SP4: variants seen among roughly 807,000 people sequenced by gnomAD.
The protein encoded by SP4 is Sp4 transcription factor.
Under a neutral mutation model 72.8 loss-of-function variants are expected in SP4, and 19 were observed. The observed-to-expected ratio is 0.26, with a 90% confidence interval of 0.18 to 0.38. SP4 has a LOEUF of 0.38. SP4 is among the 10% of genes least tolerant of loss of function. SP4 has a pLI of 1.00. For missense variants in SP4, 1,008 were observed against 926.3 expected, an observed-to-expected ratio of 1.09 and a Z score of -1.14; for synonymous variants, 395 against 333.1, an observed-to-expected ratio of 1.19 and a Z score of -2.02.
intron 2 of SP4, among the ~76,000 whole-genome samples, 173 bp from the exon 3 acceptor site, chr7:21,429,116 T>A (rs1210654525): frequency 6.6e-6 from 1 of 152,196 alleles, no homozygotes; most frequent in Non-Finnish European, 1.5e-5. Context: ...CTTGCTTCCT[T>A]ATTCATATAG....
chr7:21,464,387 C>T (rs1053264516), intron 3 of SP4, among the ~76,000 whole-genome samples: 1 of 151,972 alleles, frequency 6.6e-6, no homozygotes, highest in African/African-American at 2.4e-5. Context: ...TGAGCCACTG[C>T]GCCCGGCCAG....
At chr7:21,499,898 T>C (rs1781821234) in intron 5 of SP4, among the ~76,000 whole-genome samples, 2 of 152,228 alleles carry the variant, frequency 1.3e-5, no homozygotes, top group Non-Finnish European at 2.9e-5. Context: ...TAACTGACTC[T>C]TGATAGGTGC....
chr7:21,429,652 G>A lies in SP4; in HGVS notation c.487G>A (p.Val163Ile), dbSNP rs745741475. The A allele has an allele frequency of 2.5e-6, 4 of 1,613,986 alleles. No individual in the cohort carries two copies. The highest frequency in any genetic ancestry group is 1.3e-5 in the African/African-American group (1 of 74,916). The change falls in exon 3 of 6, where the codon GTA becomes ATA. Residue 163 changes from valine (V) to isoleucine (I), a missense_variant. Val to Ile is a conservative substitution (Grantham distance 29). Transcript: ENST00000222584. ...VIQVQNPSGSVQYQVIPQLQT... is the reference protein window; with the variant it reads ...VIQVQNPSGSIQYQVIPQLQT... ...ACAAGTACAAAATCCAAGTGGTAGT[G>A]TACAGTACCAAGTAATTCCACAACT... is the stretch of plus-strand genomic sequence containing the variant.
intron 5 of SP4, among the ~76,000 whole-genome samples, chr7:21,495,376 A>G (rs1184801618): frequency 6.6e-6 from 1 of 152,176 alleles, no homozygotes; most frequent in Non-Finnish European, 1.5e-5. Flanking sequence ...GAACACCTTA[A>G]GAAGTTTTAA....
intron 3 of SP4, among the ~76,000 whole-genome samples, chr7:21,465,896 G>A (rs145891880): frequency 1.1e-4 from 17 of 152,052 alleles, no homozygotes; most frequent in African/African-American, 4.1e-4. Context: ...GGCCCTTCCT[G>A]ATCTATCCTT....
intron 5 of SP4, among the ~76,000 whole-genome samples, chr7:21,500,514 T>C (rs57880370): frequency 0.1 from 15,585 of 152,164 alleles, 1,730 homozygotes; most frequent in East Asian, 0.54. Context: ...CTGCATTCCT[T>C]ACTGAAGACC....
rs762295212 is a variant in SP4, at chr7:21,429,963, A to G, written c.798A>G (p.Leu266=). 2 of 1,614,156 alleles carry G rather than the reference A, an allele frequency of 1.2e-6. No homozygotes were observed. Among genetic ancestry groups the G allele is most frequent in the Admixed American group, 1.7e-5 (1 of 60,022 alleles). ...TLPINIGGVT[L]ALPVINNVAA... ...CAATTAACATTGGAGGAGTGACTCT[A>G]GCTTTGCCAGTGATAAACAACGTGG... The change falls in exon 3 of 6, where the codon CTA becomes CTG. Residue 266 remains leucine, a synonymous_variant. Coordinates refer to ENST00000222584, the MANE Select transcript of SP4 (RefSeq NM_003112.5).
intron 3 of SP4, among the ~76,000 whole-genome samples, chr7:21,445,299 G>A (rs758412177): frequency 2.0e-5 from 3 of 152,084 alleles, no homozygotes; most frequent in Non-Finnish European, 4.4e-5. Flanking sequence ...TCTTGATGAG[G>A]ATGTGAGATG....
At chr7:21,499,232 C>T (rs771662242) in intron 5 of SP4, among the ~76,000 whole-genome samples, 1 of 152,076 alleles carries the variant, frequency 6.6e-6, no homozygotes, top group Non-Finnish European at 1.5e-5. Flanking sequence ...ATCGGTCTTA[C>T]GGTCTCTAAA....
At chr7:21,505,836 A>G (rs940537110) in intron 5 of SP4, among the ~76,000 whole-genome samples, 3 of 152,100 alleles carry the variant, frequency 2.0e-5, no homozygotes, top group African/African-American at 7.2e-5. Context: ...TCCCTCTATT[A>G]CCAGTTGGAG....
intron 5 of SP4, among the ~76,000 whole-genome samples, chr7:21,498,193 G>A (rs1324619993): frequency 2.0e-5 from 3 of 151,860 alleles, no homozygotes; most frequent in African/African-American, 7.3e-5. Context: ...AATAAAAACT[G>A]TAAAAAATAA....
chr7:21,437,514 A>T (rs901487077), intron 3 of SP4, among the ~76,000 whole-genome samples: 2 of 151,998 alleles, frequency 1.3e-5, no homozygotes, highest in African/African-American at 4.8e-5. Context: ...TTTTTTTTTC[A>T]AATACCAGGT....
intron 3 of SP4, among the ~76,000 whole-genome samples, chr7:21,464,171 C>A (rs745553113): frequency 7.0e-6 from 1 of 143,104 alleles, no homozygotes; most frequent in Non-Finnish European, 1.5e-5. Flanking sequence ...GTCACCCAGG[C>A]TGGAGTGCAT....
Position 21,512,356 on chromosome 7 carries a change from T to C in SP4, c.*1087T>C, listed in dbSNP as rs1268522380. On this transcript the variant is annotated 3_prime_UTR_variant, in exon 6 of 6. Coordinates refer to ENST00000222584, the MANE Select transcript of SP4 (RefSeq NM_003112.5). ...GTCCCATTTTATTTCTAGTGCTATGTAAGAAGGTAATTAGGAATTATAACA... is the reference window on the plus strand; with the variant it reads ...GTCCCATTTTATTTCTAGTGCTATGCAAGAAGGTAATTAGGAATTATAACA... 6.6e-6 allele frequency: 1 copy of C among 152,560 alleles called. No individual in the cohort carries two copies. Among genetic ancestry groups the C allele is most frequent in the Non-Finnish European group, 1.5e-5 (1 of 68,022 alleles). 9.5% of individuals were successfully genotyped at this position (152,560 alleles called of 1,614,324 possible).
chr7:21,452,900 A>C (rs1394237827), intron 3 of SP4, among the ~76,000 whole-genome samples: 1 of 151,394 alleles, frequency 6.6e-6, no homozygotes, highest in African/African-American at 2.4e-5. Context: ...CTCCTGCCTC[A>C]GCCTCCTTAG....
At chr7:21,436,537 G>A (rs965614430) in intron 3 of SP4, among the ~76,000 whole-genome samples, 6 of 152,170 alleles carry the variant, frequency 3.9e-5, no homozygotes, top group African/African-American at 1.4e-4. Context: ...GCAGAAATAT[G>A]GGTCGAAGAT....
chr7:21,506,221 G>A (rs75528920), intron 5 of SP4, among the ~76,000 whole-genome samples: 1 of 152,040 alleles, frequency 6.6e-6, no homozygotes, highest in Non-Finnish European at 1.5e-5. Flanking sequence ...GAGTTCTGTA[G>A]CCCTTGGTTG....
chr7:21,451,977 A>G (rs1783615647), intron 3 of SP4, among the ~76,000 whole-genome samples: 1 of 152,322 alleles, frequency 6.6e-6, no homozygotes, highest in Non-Finnish European at 1.5e-5. Flanking sequence ...CATGCCCAGA[A>G]TTAGAATATT....
chr7:21,448,482 TTGTGGTGCTGG>T (rs753434067), intron 3 of SP4, among the ~76,000 whole-genome samples: 51 of 152,298 alleles, frequency 3.3e-4, no homozygotes, highest in Middle Eastern at 6.8e-3. Flanking sequence ...GAAGGTGACA[TTGTGGTGCTGG>T]TGAAAATAGA....
Sources: gnomAD v4.1 joint callset for allele counts (sites outside exome capture counted in the v4.1 genomes callset) on GRCh38, gnomAD v4.1.1 for gene constraint, MANE v1.5 for transcripts, NCBI Gene and HGNC (gene_info 2026-07-23, HGNC 2026-07-21) for gene names.